WDR12: variants seen among roughly 807,000 people sequenced by gnomAD.
WDR12 encodes ribosome biogenesis protein WDR12.
Under a neutral mutation model 64.3 loss-of-function variants are expected in WDR12, and 42 were observed. The ratio of observed to expected loss-of-function variants is 0.65; its 90% CI spans 0.51 to 0.84. The LOEUF (loss-of-function observed/expected upper bound fraction) is 0.84, where lower values mean the gene tolerates loss of function less well. WDR12 is among the 40% of genes least tolerant of loss of function. The pLI, the probability that WDR12 is intolerant of heterozygous loss-of-function variation, is 0.00. For missense variants in WDR12, 469 were observed against 494.6 expected (o/e 0.95, Z 0.49); for synonymous variants, 158 against 173.3 (o/e 0.91, Z 0.70).
intron 4 of WDR12, among the ~76,000 whole-genome samples, chr2:202,897,908 A>AT (rs1553541972): frequency 0.019 from 777 of 39,996 alleles, 9 homozygotes; most frequent in African/African-American, 0.047. Context: ...AAAAAAAAAA[A>AT]ATATATATAT....
intron 7 of WDR12, 106 bp from the exon 8 acceptor site, chr2:202,892,808 CAGTT>C: frequency 1.4e-6 from 1 of 697,564 alleles, no homozygotes; most frequent in Non-Finnish European, 2.3e-6. Flanking sequence ...CGTTATCACA[CAGTT>C]AGGGAATGAA....
intron 4 of WDR12, 34 bp downstream of exon 4, chr2:202,899,497 C>T (rs1472798004): frequency 1.9e-6 from 3 of 1,581,900 alleles, no homozygotes; most frequent in Admixed American, 3.6e-5. Context: ...AAAAACAAAA[C>T]AAAAAAAAGA....
At chr2:202,883,424 C>G (rs976963732) in intron 11 of WDR12, 185 bp downstream of exon 11, 1 of 587,518 alleles carries the variant, frequency 1.7e-6, no homozygotes, top group Non-Finnish European at 2.8e-6. Flanking sequence ...GTGTGAGCCA[C>G]TGTGCCTGGC....
Position 202,894,634 on chromosome 2 carries a change from G to T in WDR12, c.610-8C>A. On this transcript the variant is annotated splice_region_variant and splice_polypyrimidine_tract_variant and intron_variant, in intron 6 of 12. Coordinates refer to ENST00000261015, the MANE Select transcript of WDR12 (RefSeq NM_018256.4). ...CCAGGAGCCACTGCAAAACTAAACA[G>T]ATGTATATGAAGGGAAAAGACATAT... The T allele has an allele frequency of 1.2e-6, 2 of 1,604,682 alleles. No homozygotes were observed. Among genetic ancestry groups the T allele is most frequent in the Non-Finnish European group, 1.7e-6 (2 of 1,175,442 alleles).
Position 202,884,550 on chromosome 2 carries a change from C to A in WDR12, c.742-15G>T, listed in dbSNP as rs781517450. 15 of 1,597,088 alleles carry A rather than the reference C, an allele frequency of 9.4e-6. No homozygotes were observed. The highest frequency in any genetic ancestry group is 1.2e-5 in the Non-Finnish European group (14 of 1,175,680). On this transcript the variant is annotated splice_polypyrimidine_tract_variant and intron_variant, in intron 8 of 12. Transcript: ENST00000261015. ...ACTATGGGAGTCTAGAAAGGAAGAA[C>A]CCCAAAAGGGGAAAGTGTTTTCATT...
At chr2:202,884,009 C>T (rs1574401897) in intron 10 of WDR12, 189 bp downstream of exon 10, 2 of 656,166 alleles carry the variant, frequency 3.0e-6, no homozygotes, top group Non-Finnish European at 5.1e-6. Flanking sequence ...GGCAGGGTTT[C>T]TCTATGTTGG....
intron 4 of WDR12, 143 bp from the exon 5 acceptor site, chr2:202,897,558 A>T: frequency 2.3e-6 from 1 of 435,124 alleles, no homozygotes; most frequent in Non-Finnish European, 4.0e-6. Context: ...AAGCCATACT[A>T]GATCAGATCA....
Position 202,907,947 on chromosome 2 carries a change from A to G in WDR12, c.54T>C (p.Asp18=). 1 of 1,614,028 alleles carries G rather than the reference A, an allele frequency of 6.2e-7. No homozygotes were observed. The highest frequency in any genetic ancestry group is 8.5e-7 in the Non-Finnish European group (1 of 1,179,896). The change falls in exon 2 of 13, where the codon GAT becomes GAC. Residue 18 remains aspartate, a synonymous_variant. Transcript: ENST00000261015. ...CAGCAGGGATTGAGAAGGGAACATC[A>G]TCTACGGCATATCTATAAAAAGGAA... ...FYTDNKKYAV[D]DVPFSIPAAS...
At position 202,883,619 on chromosome 2, in the gene WDR12, C is replaced by T. The variant is rs1687993719; in HGVS notation, c.1111G>A (p.Asp371Asn). 6.2e-7 allele frequency: 1 copy of T among 1,613,836 alleles called. No homozygotes were observed. The highest frequency in any genetic ancestry group is 8.5e-7 in the Non-Finnish European group (1 of 1,179,920). ...ATAAATAGAATTTACCTTCTTGTAT[C>T]CCACAGCTTAACAATGTTATCTAAA... ...GSLDNIVKLW[D>N]TRSCKAPLYD... Residue 371 changes from aspartate to asparagine, a missense_variant, in exon 11 of 13, where the codon GAT becomes AAT. Asp to Asn is a conservative substitution (Grantham distance 23). Transcript: ENST00000261015.
In WDR12 at chr2:202,884,318, G is replaced by C. The variant is rs372604066; in HGVS notation, c.883-15C>G. On this transcript the variant is annotated splice_polypyrimidine_tract_variant and intron_variant, in intron 9 of 12. Coordinates refer to ENST00000261015, the MANE Select transcript of WDR12 (RefSeq NM_018256.4). ...TTATTTCCTGTCTGAAAAAGAAAAGGAAAGAACATTAACCATGGTAGACTA... is the reference window on the plus strand; with the variant it reads ...TTATTTCCTGTCTGAAAAAGAAAAGCAAAGAACATTAACCATGGTAGACTA... The C allele has an allele frequency of 2.5e-6, 4 of 1,613,820 alleles. No homozygotes were observed. Among genetic ancestry groups the C allele is most frequent in the Non-Finnish European group, 3.4e-6 (4 of 1,179,926 alleles).
At position 202,880,708 on chromosome 2, in the gene WDR12, TAAG is replaced by T. The variant is rs918816084; in HGVS notation, c.*149_*151del. On this transcript the variant is annotated 3_prime_UTR_variant, in exon 13 of 13. Coordinates refer to ENST00000261015, the MANE Select transcript of WDR12 (RefSeq NM_018256.4). Reference sequence around the variant, plus strand: ...AACCTATCTTATTATAAATACAAAATAAGAAAAAGTGATACGTTAGCTGTTATG... The same window carrying T: ...AACCTATCTTATTATAAATACAAAATAAAAAGTGATACGTTAGCTGTTATG... 2.1e-6 allele frequency: 1 copy of T among 474,334 alleles called. No individual in the cohort carries two copies. The highest frequency in any genetic ancestry group is 3.7e-6 in the Non-Finnish European group (1 of 273,550). The allele number at this position is 474,334 out of a possible 1,614,324, so 29.4% of individuals were successfully genotyped here. A position where few individuals can be genotyped will look rare whatever the true frequency, so the allele number is the denominator to read the frequency against.
chr2:202,882,574 C>A, intron 12 of WDR12, 137 bp downstream of exon 12: 1 of 732,426 alleles, frequency 1.4e-6, no homozygotes, highest in Non-Finnish European at 2.3e-6. Flanking sequence ...GTGATCTGCC[C>A]ACCTTGGCCT....
At position 202,884,304 on chromosome 2, in the gene WDR12, C is replaced by A. The variant is rs750413315; in HGVS notation, c.883-1G>T. 1.9e-6 allele frequency: 3 copies of A among 1,613,612 alleles called. No homozygotes were observed. The highest frequency in any genetic ancestry group is 2.5e-6 in the Non-Finnish European group (3 of 1,179,874). Reference sequence around the variant, plus strand: ...TACAATTAAACACTTTATTTCCTGTCTGAAAAAGAAAAGGAAAGAACATTA... The same window carrying A: ...TACAATTAAACACTTTATTTCCTGTATGAAAAAGAAAAGGAAAGAACATTA... On this transcript the variant is annotated splice_acceptor_variant, in intron 9 of 12. Transcript: ENST00000261015. LOFTEE classifies it high-confidence loss of function.
chr2:202,880,990 C>T, intron 12 of WDR12, 53 bp from the exon 13 acceptor site: 2 of 1,403,780 alleles, frequency 1.4e-6, no homozygotes, highest in East Asian at 2.5e-5. Flanking sequence ...ATAATTATTT[C>T]ACATCATAGC....
At position 202,884,567 on chromosome 2, in the gene WDR12, G is replaced by A. The variant is rs201996809; in HGVS notation, c.742-32C>T. 1.3e-5 allele frequency: 20 copies of A among 1,588,504 alleles called. No homozygotes were observed. In the African/African-American group the frequency reaches 1.6e-4, roughly 13 times the overall value. ...AGGAAGAACCCCAAAAGGGGAAAGTGTTTTCATTACAGAATAATTGAAACA... is the reference window on the plus strand; with the variant it reads ...AGGAAGAACCCCAAAAGGGGAAAGTATTTTCATTACAGAATAATTGAAACA... On this transcript the variant is annotated intron_variant, in intron 8 of 12. Transcript: ENST00000261015.
intron 2 of WDR12, among the ~76,000 whole-genome samples, chr2:202,902,997 T>C (rs1161102331): frequency 6.6e-6 from 1 of 152,088 alleles, no homozygotes; most frequent in Admixed American, 6.5e-5. Flanking sequence ...GAGAATTGCT[T>C]GAACCCGGGA....
chr2:202,884,559 G>A lies in WDR12; in HGVS notation c.742-24C>T, dbSNP rs78262796. The A allele has an allele frequency of 6.2e-3, 9,867 of 1,594,678 alleles. 27 individuals are homozygous for A. The highest frequency in any genetic ancestry group is 8.4e-3 in the Middle Eastern group (50 of 5,964). Reference sequence around the variant, plus strand: ...GTCTAGAAAGGAAGAACCCCAAAAGGGGAAAGTGTTTTCATTACAGAATAA... The same window carrying A: ...GTCTAGAAAGGAAGAACCCCAAAAGAGGAAAGTGTTTTCATTACAGAATAA... On this transcript the variant is annotated intron_variant, in intron 8 of 12. Coordinates refer to ENST00000261015, the MANE Select transcript of WDR12 (RefSeq NM_018256.4).
intron 1 of WDR12, among the ~76,000 whole-genome samples, chr2:202,910,871 C>T (rs548294040): frequency 2.8e-4 from 42 of 152,244 alleles, no homozygotes; most frequent in Non-Finnish European, 4.9e-4. Flanking sequence ...ATCATTTTCA[C>T]TGAAAAATTT....
chr2:202,893,023 A>AAT (rs1688180686), intron 7 of WDR12, among the ~76,000 whole-genome samples: 2 of 152,124 alleles, frequency 1.3e-5, no homozygotes, highest in African/African-American at 4.8e-5. Context: ...TGTTAGTTGT[A>AAT]GGAGAGTTAT....
Sources: gnomAD v4.1 joint callset for allele counts (sites outside exome capture counted in the v4.1 genomes callset) on GRCh38, gnomAD v4.1.1 for gene constraint, MANE v1.5 for transcripts, NCBI Gene and HGNC (gene_info 2026-07-23, HGNC 2026-07-21) for gene names.